Variants in ATP6V1A observed in about 807,000 individuals in gnomAD.
ATP6V1A encodes the protein ATPase H+ transporting V1 subunit A, also known as V-type proton ATPase catalytic subunit A.
Under a neutral mutation model 70.1 loss-of-function variants are expected in ATP6V1A, and 18 were observed. That is an observed-to-expected ratio of 0.26 (90% confidence interval 0.18 to 0.38). ATP6V1A has a LOEUF of 0.38. Ranked by LOEUF, ATP6V1A falls within the 10% of genes least tolerant of loss-of-function variation. The pLI is 1.00. For missense variants in ATP6V1A, 424 were observed against 772.4 expected (o/e 0.55, Z 5.35); for synonymous variants, 232 against 253.8 (o/e 0.91, Z 0.82).
rs964482184 is a variant in ATP6V1A at position 113,809,629 on chromosome 3, C to G, written c.*202C>G. The G allele has an allele frequency of 2.4e-5, 11 of 450,254 alleles. No homozygotes were observed. The highest frequency in any genetic ancestry group is 2.2e-4 in the African/African-American group (11 of 50,676). The allele number at this position is 450,254 out of a possible 1,614,324, so 27.9% of individuals were successfully genotyped here. The stretch of plus-strand genomic sequence containing the variant: ...CCTTTGTTCTAGTGTTGTGAAGGGC[C>G]TCCCTCTTCCTTTATCTGAAGTGGT... On this transcript the variant is annotated 3_prime_UTR_variant, in exon 15 of 15. Transcript: ENST00000273398.
Position 113,759,783 on chromosome 3 carries a change from G to A in ATP6V1A, c.-14+12670G>A, listed in dbSNP as rs532895178. Among the ~76,000 whole-genome samples the A allele has an allele frequency of 4.2e-4, 64 of 152,222 alleles. No homozygotes were observed. The South Asian group carries it at 0.012, about 29-fold the overall frequency. The stretch of plus-strand genomic sequence containing the variant: ...AGGGTTTTATCAGTTTTCACTCAAC[G>A]ATTAGAGTTTCTATTTCCCCCCACA... On this transcript the variant is annotated intron_variant, in intron 1 of 14. Transcript: ENST00000273398.
intron 1 of ATP6V1A, among the ~76,000 whole-genome samples, chr3:113,753,395 C>T (rs913048251): frequency 1.3e-5 from 2 of 152,186 alleles, no homozygotes; most frequent in African/African-American, 2.4e-5. Flanking sequence ...TCAGTTAATA[C>T]TGAGAATACA....
intron 1 of ATP6V1A, among the ~76,000 whole-genome samples, chr3:113,754,178 A>T (rs1299051598): frequency 1.3e-5 from 2 of 152,170 alleles, no homozygotes; most frequent in Non-Finnish European, 2.9e-5. Flanking sequence ...TCTTCCTTAC[A>T]CTTTACATTA....
intron 6 of ATP6V1A, among the ~76,000 whole-genome samples, 180 bp downstream of exon 6, chr3:113,786,563 G>A (rs1709041975): frequency 6.6e-6 from 1 of 151,952 alleles, no homozygotes; most frequent in Non-Finnish European, 1.5e-5. Context: ...TCAAACCATT[G>A]AAGATTTACT....
At chr3:113,781,270 G>A in intron 3 of ATP6V1A, 92 bp downstream of exon 3, 1 of 1,377,288 alleles carries the variant, frequency 7.3e-7, no homozygotes, top group East Asian at 2.9e-5. Flanking sequence ...AGTAATCCCA[G>A]CACTTTGGGA....
intron 13 of ATP6V1A, 51 bp from the exon 14 acceptor site, chr3:113,805,303 C>T (rs762687129): frequency 4.5e-6 from 7 of 1,541,144 alleles, no homozygotes; most frequent in African/African-American, 1.4e-5. Context: ...AAAGTATGAA[C>T]CTGTTTTGGA....
intron 1 of ATP6V1A, among the ~76,000 whole-genome samples, chr3:113,753,307 G>A (rs1013779681): frequency 1.3e-5 from 2 of 152,230 alleles, no homozygotes; most frequent in African/African-American, 4.8e-5. Flanking sequence ...GCAGGGATAT[G>A]TGGAGAAGGA....
chr3:113,785,691 A>C (rs1709031380), intron 5 of ATP6V1A, among the ~76,000 whole-genome samples: 1 of 147,514 alleles, frequency 6.8e-6, no homozygotes. Context: ...TTTTTTTGAG[A>C]TGGACTCTTG....
At chr3:113,789,193 G>T (rs915087788) in intron 7 of ATP6V1A, among the ~76,000 whole-genome samples, 1 of 152,068 alleles carries the variant, frequency 6.6e-6, no homozygotes, top group Non-Finnish European at 1.5e-5. Context: ...GATTACAGGT[G>T]CATGCCACCA....
chr3:113,768,402 G>A (rs760148812), intron 1 of ATP6V1A, among the ~76,000 whole-genome samples: 1 of 151,978 alleles, frequency 6.6e-6, no homozygotes, highest in Non-Finnish European at 1.5e-5. Flanking sequence ...TTCTTGTTGT[G>A]TTGGTTAATT....
intron 13 of ATP6V1A, among the ~76,000 whole-genome samples, chr3:113,804,947 C>T (rs2108045587): frequency 6.6e-6 from 1 of 152,310 alleles, no homozygotes; most frequent in Admixed American, 6.5e-5. Context: ...ACCTAATCCA[C>T]TATCACAAGG....
intron 11 of ATP6V1A, 128 bp downstream of exon 11, chr3:113,796,067 A>G (rs1171872897): frequency 2.5e-6 from 2 of 786,058 alleles, no homozygotes; most frequent in South Asian, 2.2e-5. Context: ...AGGCAATGGT[A>G]AAGTCTGGTT....
chr3:113,793,467 G>A (rs529539135), intron 8 of ATP6V1A, among the ~76,000 whole-genome samples: 2 of 152,290 alleles, frequency 1.3e-5, no homozygotes, highest in East Asian at 1.9e-4. Context: ...TATTTTTCTT[G>A]TAGGCACTGA....
chr3:113,775,497 T>C (rs1708900685), intron 1 of ATP6V1A, among the ~76,000 whole-genome samples: 1 of 152,150 alleles, frequency 6.6e-6, no homozygotes, highest in Non-Finnish European at 1.5e-5. Flanking sequence ...CCCCAAGTGC[T>C]GGAATTATGG....
intron 1 of ATP6V1A, among the ~76,000 whole-genome samples, chr3:113,751,750 A>G (rs1168515473): frequency 6.6e-6 from 1 of 151,436 alleles, no homozygotes. Flanking sequence ...GTGTATGTAT[A>G]TATAAAGACA....
At chr3:113,807,869 C>T (rs1709294127) in intron 14 of ATP6V1A, among the ~76,000 whole-genome samples, 1 of 152,014 alleles carries the variant, frequency 6.6e-6, no homozygotes, top group African/African-American at 2.4e-5. Context: ...CGCATTGGCT[C>T]ACGTCTGTAA....
Position 113,805,394 on chromosome 3 carries a change from A to G in ATP6V1A, c.1630A>G (p.Met544Val). ...CAAGACAGTAGGGATGCTGTCCAAC[A>G]TGATTGCATTTTATGATATGGCTCG... ...FYKTVGMLSN[M>V]IAFYDMARRA... The change falls in exon 14 of 15, where the codon ATG becomes GTG. Residue 544 changes from methionine (M) to valine (V), a missense_variant. Physicochemically the swap from Met to Val is conservative, Grantham distance 21. Coordinates refer to ENST00000273398, the MANE Select transcript of ATP6V1A (RefSeq NM_001690.4). 1 of 1,614,134 alleles carries G rather than the reference A, an allele frequency of 6.2e-7. No homozygotes were observed. Among genetic ancestry groups the G allele is most frequent in the South Asian group, 1.1e-5 (1 of 91,060 alleles).
chr3:113,753,635 T>C (rs1279989497), intron 1 of ATP6V1A, among the ~76,000 whole-genome samples: 1 of 152,110 alleles, frequency 6.6e-6, no homozygotes, highest in African/African-American at 2.4e-5. Flanking sequence ...AGGAGTTAAA[T>C]CTACTGGTGA....
intron 14 of ATP6V1A, 86 bp downstream of exon 14, chr3:113,805,611 G>A (rs994970842): frequency 1.2e-5 from 16 of 1,319,824 alleles, no homozygotes; most frequent in Middle Eastern, 2.3e-4. Flanking sequence ...ACTCTGTTGC[G>A]AGGCTGGAGT....
Sources: gnomAD v4.1 joint callset for allele counts (sites outside exome capture counted in the v4.1 genomes callset) on GRCh38, gnomAD v4.1.1 for gene constraint, MANE v1.5 for transcripts, NCBI Gene and HGNC (gene_info 2026-07-23, HGNC 2026-07-21) for gene names.